Variants in LRFN2 observed in about 807,000 individuals in gnomAD.
The protein encoded by LRFN2 is leucine rich repeat and fibronectin type III domain containing 2.
LRFN2 carries 18 observed loss-of-function variants against 37.3 expected under a neutral mutation model. The observed-to-expected ratio is 0.48, with a 90% CI of 0.33 to 0.72. LRFN2 has a LOEUF of 0.72. Among genes scored for constraint, LRFN2 ranks in the 30% least tolerant of loss-of-function variants. The probability of loss-of-function intolerance (pLI) is 0.02; values close to 1 mark genes in which losing one functional copy is unlikely to be tolerated. For synonymous variants in LRFN2, 556 were observed against 466.6 expected (o/e 1.19, Z -2.47); for missense variants, 1,006 against 1,060.7 (o/e 0.95, Z 0.72).
intron 1 of LRFN2, among the ~76,000 whole-genome samples, chr6:40,461,579 T>A (rs9394698): frequency 2.6e-5 from 3 of 113,590 alleles, no homozygotes; most frequent in Admixed American, 9.4e-5. Flanking sequence ...GCCACCCCCC[T>A]CCCCCCGACA....
At chr6:40,446,645 A>G (rs1763976568) in intron 1 of LRFN2, among the ~76,000 whole-genome samples, 1 of 152,212 alleles carries the variant, frequency 6.6e-6, no homozygotes, top group African/African-American at 2.4e-5. Context: ...CTGAGTAAAT[A>G]ATTTTCTTTC....
intron 1 of LRFN2, among the ~76,000 whole-genome samples, chr6:40,506,479 G>A (rs1321949156): frequency 1.3e-5 from 2 of 152,110 alleles, no homozygotes; most frequent in South Asian, 2.1e-4. Context: ...ATATATTCTA[G>A]AACTGTGACG....
chr6:40,488,469 C>T (rs1054805601), intron 1 of LRFN2, among the ~76,000 whole-genome samples: 1 of 152,076 alleles, frequency 6.6e-6, no homozygotes, highest in East Asian at 1.9e-4. Context: ...AAGCCTCCCT[C>T]CTGCAGGAAG....
intron 1 of LRFN2, among the ~76,000 whole-genome samples, chr6:40,476,095 G>C (rs1198237882): frequency 6.6e-6 from 1 of 152,154 alleles, no homozygotes; most frequent in Non-Finnish European, 1.5e-5. Flanking sequence ...TTCCTACTGG[G>C]CTCCAGCCTG....
chr6:40,396,457 ATAATGTGATGAAGCCACATCC>A (rs1181627949), intron 2 of LRFN2, among the ~76,000 whole-genome samples: 4 of 152,166 alleles, frequency 2.6e-5, no homozygotes, highest in African/African-American at 9.7e-5. Context: ...AGAGAAAATC[ATAATGTGATGAAGCCACATCC>A]TAATGTGATG....
At chr6:40,415,380 C>T (rs890559868) in intron 2 of LRFN2, among the ~76,000 whole-genome samples, 1 of 152,150 alleles carries the variant, frequency 6.6e-6, no homozygotes, top group Non-Finnish European at 1.5e-5. Flanking sequence ...CACGTGCCAC[C>T]ATGGCCAGCT....
chr6:40,480,855 A>T (rs1381145562), intron 1 of LRFN2, among the ~76,000 whole-genome samples: 1 of 152,196 alleles, frequency 6.6e-6, no homozygotes, highest in African/African-American at 2.4e-5. Context: ...TTTGTGACTT[A>T]AAGGAATATC....
chr6:40,478,922 A>G (rs182873495), intron 1 of LRFN2, among the ~76,000 whole-genome samples: 32 of 152,364 alleles, frequency 2.1e-4, no homozygotes, highest in African/African-American at 6.7e-4. Flanking sequence ...AACTGAATTG[A>G]ATCTAGCACC....
intron 1 of LRFN2, among the ~76,000 whole-genome samples, chr6:40,464,292 T>C (rs1764410844): frequency 6.6e-6 from 1 of 152,190 alleles, no homozygotes; most frequent in Non-Finnish European, 1.5e-5. Flanking sequence ...ATTATAGCAG[T>C]GCTATGGTTT....
At chr6:40,459,178 C>A (rs2504842) in intron 1 of LRFN2, among the ~76,000 whole-genome samples, 1 of 152,262 alleles carries the variant, frequency 6.6e-6, no homozygotes, top group Non-Finnish European at 1.5e-5. Context: ...AGGCAGGTTG[C>A]AGGGCACTGA....
At chr6:40,537,096 T>A (rs1463712588) in intron 1 of LRFN2, among the ~76,000 whole-genome samples, 1 of 152,180 alleles carries the variant, frequency 6.6e-6, no homozygotes, top group Non-Finnish European at 1.5e-5. Flanking sequence ...ATCCAGGGGA[T>A]CTGGTGCAGT....
intron 1 of LRFN2, among the ~76,000 whole-genome samples, chr6:40,577,579 T>C (rs9471381): frequency 0.36 from 31,185 of 87,740 alleles, 4,851 homozygotes; most frequent in Middle Eastern, 0.44. Context: ...GCTATCCCTC[T>C]CCCCTCCCCC....
chr6:40,453,549 CA>C lies in LRFN2; in HGVS notation c.-18-20419del, dbSNP rs1561862295. The stretch of plus-strand genomic sequence containing the variant: ...ACACACACACACACACACACACACA[CA>C]CACACCTCCCTTTGAGTTGACTTTG... On this transcript the variant is annotated intron_variant, in intron 1 of 2. Coordinates refer to ENST00000338305, the MANE Select transcript of LRFN2 (RefSeq NM_020737.3). 3.7e-3 allele frequency among the ~76,000 whole-genome samples: 550 copies of C among 149,950 alleles called. 5 individuals are homozygous for C. Among genetic ancestry groups the C allele is most frequent in the South Asian group, 0.017 (80 of 4,702 alleles).
intron 1 of LRFN2, among the ~76,000 whole-genome samples, chr6:40,577,111 T>TCTTCTCTTCTCTTCTCTTCTCTTCTCC (rs1767299476): frequency 6.7e-6 from 1 of 149,058 alleles, no homozygotes; most frequent in African/African-American, 2.5e-5. Context: ...TTCCTTTCTT[T>TCTTCTCTTCTCTTCTCTTCTCTTCTCC]TCTTTTTAGA....
chr6:40,535,987 T>A (rs1766441525), intron 1 of LRFN2, among the ~76,000 whole-genome samples: 2 of 151,990 alleles, frequency 1.3e-5, no homozygotes, highest in Non-Finnish European at 2.9e-5. Context: ...GTGAGAATGT[T>A]AGAAAGACAC....
At chr6:40,435,048 TATATAGAGAG>T (rs1209733902) in intron 1 of LRFN2, among the ~76,000 whole-genome samples, 109 of 71,134 alleles carry the variant, frequency 1.5e-3, no homozygotes, top group Middle Eastern at 7.5e-3. Flanking sequence ...TATATATATA[TATATAGAGAG>T]AGAGAGAGAG....
intron 1 of LRFN2, among the ~76,000 whole-genome samples, chr6:40,576,198 C>A (rs771479517): frequency 6.6e-6 from 1 of 152,116 alleles, no homozygotes; most frequent in Non-Finnish European, 1.5e-5. Context: ...GTGCTGTATG[C>A]ATGGAAGGGA....
chr6:40,462,636 A>T (rs576878427), intron 1 of LRFN2, among the ~76,000 whole-genome samples: 2 of 152,344 alleles, frequency 1.3e-5, no homozygotes, highest in South Asian at 4.1e-4. Context: ...CACAGTGATG[A>T]TATCTCACAA....
chr6:40,572,575 C>G (rs943927053), intron 1 of LRFN2, among the ~76,000 whole-genome samples: 25 of 152,264 alleles, frequency 1.6e-4, no homozygotes, highest in South Asian at 2.1e-4. Context: ...ACCAGCCCAG[C>G]AGGCTGCCTG....
Sources: gnomAD v4.1 joint callset for allele counts (sites outside exome capture counted in the v4.1 genomes callset) on GRCh38, gnomAD v4.1.1 for gene constraint, MANE v1.5 for transcripts, NCBI Gene and HGNC (gene_info 2026-07-23, HGNC 2026-07-21) for gene names.